Variants in PRKN observed in about 807,000 individuals in gnomAD.
PRKN encodes the protein E3 ubiquitin-protein ligase parkin.
Under a neutral mutation model 59.5 loss-of-function variants are expected in PRKN, and 56 were observed. The observed-to-expected ratio is 0.94, with a 90% CI of 0.76 to 1.18. The LOEUF (loss-of-function observed/expected upper bound fraction) is 1.18. PRKN is among the 50% of genes most tolerant of loss of function. The pLI is 0.00. For synonymous variants in PRKN, 250 were observed against 222.1 expected (o/e 1.13, Z -1.12); for missense variants, 657 against 596.4 (o/e 1.10, Z -1.06).
chr6:161,494,957 C>T lies in PRKN; in HGVS notation c.1083+53897G>A, dbSNP rs114571407. On this transcript the variant is annotated intron_variant, in intron 9 of 11. Transcript: ENST00000366898. ...CTTTCTTGCCCTCTACACCGTTAAA[C>T]GATTCTAGAGTGGTGCTATACATTG... 4.1e-3 allele frequency among the ~76,000 whole-genome samples: 628 copies of T among 152,190 alleles called. 7 individuals are homozygous for T. Among genetic ancestry groups the T allele is most frequent in the African/African-American group, 0.014 (585 of 41,524 alleles).
intron 1 of PRKN, among the ~76,000 whole-genome samples, chr6:162,708,032 A>G (rs1778398260): frequency 6.6e-6 from 1 of 152,206 alleles, no homozygotes; most frequent in African/African-American, 2.4e-5. Context: ...TTTTTTGTGT[A>G]ACACATTTTC....
rs558263105 is a variant in PRKN at position 162,025,659 on chromosome 6, G to T, written c.618+28432C>A. Among the ~76,000 whole-genome samples the T allele has an allele frequency of 5.6e-5, 7 of 124,528 alleles. No individual in the cohort carries two copies. In the East Asian group the frequency reaches 1.8e-3, roughly 33 times the overall value. The allele number at this position is 124,528 out of a possible 152,430, so 81.7% of individuals were successfully genotyped here. A position where few individuals can be genotyped will look rare whatever the true frequency, so the allele number is the denominator to read the frequency against. On this transcript the variant is annotated intron_variant, in intron 5 of 11. Transcript: ENST00000366898. ...GCTGGAGTACAGTGCCACGATCTCA[G>T]CTCACTGCAACCTCCGCCTCCCAGG...
At chr6:162,349,775 T>C (rs1784549678) in intron 2 of PRKN, among the ~76,000 whole-genome samples, 1 of 152,134 alleles carries the variant, frequency 6.6e-6, no homozygotes, top group Admixed American at 6.6e-5. Flanking sequence ...GGCTTTCCCC[T>C]TAAAAGGAGG....
In PRKN at chr6:161,362,312, G is replaced by A. The variant is rs894781727; in HGVS notation, c.1168-2107C>T. 1.3e-5 allele frequency among the ~76,000 whole-genome samples: 2 copies of A among 152,150 alleles called. No individual in the cohort carries two copies. Among genetic ancestry groups the A allele is most frequent in the Admixed American group, 6.5e-5 (1 of 15,270 alleles). ...TAAAGACAGCAAATCCTCCTGGTTC[G>A]GGAGGAAGGAACCTGGCATTTGCTG... On this transcript the variant is annotated intron_variant, in intron 10 of 11. Coordinates refer to ENST00000366898, the MANE Select transcript of PRKN (RefSeq NM_004562.3). This position sits in a 1 kb window ranked among gnomAD's most constrained non-coding sequence, Gnocchi z 5.2.
intron 5 of PRKN, among the ~76,000 whole-genome samples, chr6:162,007,391 T>A (rs1373886651): frequency 2.0e-5 from 3 of 152,114 alleles, no homozygotes; most frequent in Admixed American, 2.0e-4. Context: ...AGGCAAGAAA[T>A]CAAAACTGTT....
chr6:162,008,853 T>C (rs897601115), intron 5 of PRKN, among the ~76,000 whole-genome samples: 1 of 151,970 alleles, frequency 6.6e-6, no homozygotes, highest in African/African-American at 2.4e-5. Context: ...ATGACTACAG[T>C]AGAGAAAAAT....
chr6:162,531,375 C>T (rs768865989), intron 1 of PRKN, among the ~76,000 whole-genome samples: 3 of 152,108 alleles, frequency 2.0e-5, no homozygotes, highest in African/African-American at 4.8e-5. Flanking sequence ...GAGTAATTCA[C>T]GCAGAGCCGG....
chr6:162,020,479 T>G (rs1369038992), intron 5 of PRKN, among the ~76,000 whole-genome samples: 4 of 143,514 alleles, frequency 2.8e-5, no homozygotes, highest in Non-Finnish European at 3.2e-5. Context: ...CATTTGAATA[T>G]CAAAAAGTGG....
At chr6:162,290,139 G>C (rs58785600) in intron 2 of PRKN, among the ~76,000 whole-genome samples, 1,594 of 152,264 alleles carry the variant, frequency 0.01, 30 homozygotes, top group African/African-American at 0.036. Flanking sequence ...TTTATCCCCA[G>C]TCCACAGACC....
chr6:161,870,078 G>A (rs562517679), intron 6 of PRKN, among the ~76,000 whole-genome samples: 6 of 152,238 alleles, frequency 3.9e-5, no homozygotes, highest in Admixed American at 3.9e-4. Flanking sequence ...GGATAGAAAA[G>A]TACATTTTCT....
At chr6:162,297,168 TC>T (rs1203997473) in intron 2 of PRKN, among the ~76,000 whole-genome samples, 1 of 131,770 alleles carries the variant, frequency 7.6e-6, no homozygotes, top group African/African-American at 3.0e-5. Flanking sequence ...CTAGAATTTT[TC>T]TTTTCTTTTT....
chr6:161,364,394 G>A (rs75553566), intron 10 of PRKN, among the ~76,000 whole-genome samples: 2 of 134,418 alleles, frequency 1.5e-5, no homozygotes, highest in African/African-American at 2.8e-5. Flanking sequence ...GGAGGCGGAG[G>A]TTGCAGTGAG....
chr6:162,562,603 C>T (rs1468267952), intron 1 of PRKN, among the ~76,000 whole-genome samples: 1 of 152,092 alleles, frequency 6.6e-6, no homozygotes, highest in Non-Finnish European at 1.5e-5. Context: ...CAGGGTGAGG[C>T]TCCTCTGCCT....
At chr6:162,548,284 C>G (rs567305086) in intron 1 of PRKN, among the ~76,000 whole-genome samples, 1 of 151,286 alleles carries the variant, frequency 6.6e-6, no homozygotes, top group Non-Finnish European at 1.5e-5. Flanking sequence ...ATCTCAATCT[C>G]TTGACCTCAT....
chr6:162,562,932 G>A (rs1779902198), intron 1 of PRKN, among the ~76,000 whole-genome samples: 1 of 152,182 alleles, frequency 6.6e-6, no homozygotes, highest in Admixed American at 6.5e-5. Flanking sequence ...AGTGGTGGTG[G>A]CCACAGGGGT....
chr6:162,414,342 C>T (rs1788499492), intron 2 of PRKN, among the ~76,000 whole-genome samples: 1 of 152,082 alleles, frequency 6.6e-6, no homozygotes, highest in Non-Finnish European at 1.5e-5. Flanking sequence ...TAGGTAAGGA[C>T]AAGCAGGTTT....
chr6:162,479,386 C>CA (rs1342553873), intron 1 of PRKN, among the ~76,000 whole-genome samples: 1 of 152,008 alleles, frequency 6.6e-6, no homozygotes, highest in Non-Finnish European at 1.5e-5. Flanking sequence ...CCAACATCCC[C>CA]AGCTAATTTT....
chr6:162,602,880 T>C (rs1038995575), intron 1 of PRKN, among the ~76,000 whole-genome samples: 1 of 152,138 alleles, frequency 6.6e-6, no homozygotes, highest in Admixed American at 6.5e-5. Context: ...TTGGTGTTCT[T>C]GGCTTGGCGA....
chr6:162,245,881 T>C (rs1382245889), intron 3 of PRKN, among the ~76,000 whole-genome samples: 2 of 152,152 alleles, frequency 1.3e-5, no homozygotes, highest in Non-Finnish European at 2.9e-5. Flanking sequence ...AGAGACTATG[T>C]GTAAGTCACT....
Sources: allele counts gnomAD v4.1 joint callset (sites outside exome capture counted in the v4.1 genomes callset), GRCh38; gene constraint gnomAD v4.1.1; non-coding constraint Gnocchi (gnomAD v3.1); transcripts MANE v1.5; gene names NCBI Gene and HGNC (gene_info 2026-07-23, HGNC 2026-07-21).